HERC2: variants seen among roughly 807,000 people sequenced by gnomAD.
HERC2 encodes the protein HECT and RLD domain containing E3 ubiquitin protein ligase 2, also known as E3 ubiquitin-protein ligase HERC2.
In HERC2, 102 loss-of-function variants were observed where a neutral mutation model predicts 537.7. The observed-to-expected ratio is 0.19, with a 90% confidence interval of 0.16 to 0.22. The LOEUF (loss-of-function observed/expected upper bound fraction) is 0.22, where lower values mean the gene tolerates loss of function less well. Ranked by LOEUF, HERC2 falls within the 10% of genes least tolerant of loss-of-function variation. The pLI, the probability that HERC2 is intolerant of heterozygous loss-of-function variation, is 1.00. For missense variants in HERC2, 4,236 were observed against 6,198.2 expected, an observed-to-expected ratio of 0.68 and a Z score of 10.63; for synonymous variants, 2,224 against 2,466.2, an observed-to-expected ratio of 0.90 and a Z score of 2.91.
Position 28,179,217 on chromosome 15 carries a change from C to A in HERC2, c.8944G>T (p.Val2982Phe), listed in dbSNP as rs137879939. The A allele has an allele frequency of 1.3e-4, 200 of 1,599,604 alleles. No homozygotes were observed. The highest frequency in any genetic ancestry group is 2.7e-4 in the African/African-American group (20 of 73,752). Residue 2982 changes from valine to phenylalanine, a missense_variant, in exon 58 of 93, where the codon GTT becomes TTT. Around this residue, in one of 27 missense-constraint regions of HERC2, gnomAD observed 606 missense variants for 884.5 expected, o/e 0.69. Coordinates refer to ENST00000261609, the MANE Select transcript of HERC2 (RefSeq NM_004667.6). Reference protein sequence around the residue: ...LGGLKGSKIKVPSFSETLSAL... With the variant: ...LGGLKGSKIKFPSFSETLSAL... Reference sequence around the variant, plus strand: ...GACAGTGTCTCAGAGAACGAAGGAACCTTTATCTACAACAGAATTTTTTTA... The same window carrying A: ...GACAGTGTCTCAGAGAACGAAGGAAACTTTATCTACAACAGAATTTTTTTA...
chr15:28,254,264 C>T, intron 20 of HERC2, 76 bp downstream of exon 20: 4 of 1,076,648 alleles, frequency 3.7e-6, no homozygotes, highest in East Asian at 2.6e-5. Flanking sequence ...GCCTGGGCAA[C>T]AAGAGCGAAC....
At chr15:28,286,655 G>A (rs2076165481) in intron 4 of HERC2, among the ~76,000 whole-genome samples, 4 of 152,058 alleles carry the variant, frequency 2.6e-5, no homozygotes, top group Admixed American at 2.6e-4. Flanking sequence ...TAAAACCTAT[G>A]CCAAAAACAA....
rs1887625236 is a variant in HERC2 at position 28,111,348 on chromosome 15, T to C, written c.*415A>G. On this transcript the variant is annotated 3_prime_UTR_variant, in exon 93 of 93. Coordinates refer to ENST00000261609, the MANE Select transcript of HERC2 (RefSeq NM_004667.6). Reference sequence around the variant, plus strand: ...TAATTGAAATATTTATAATACGATTTGTTACACAGTTATTTCCAATATACA... The same window carrying C: ...TAATTGAAATATTTATAATACGATTCGTTACACAGTTATTTCCAATATACA... The C allele has an allele frequency of 5.7e-6, 1 of 176,058 alleles. No individual in the cohort carries two copies. Among genetic ancestry groups the C allele is most frequent in the Non-Finnish European group, 1.2e-5 (1 of 84,432 alleles). 10.9% of individuals were successfully genotyped at this position (176,058 alleles called of 1,614,324 possible). A position where few individuals can be genotyped will look rare whatever the true frequency, so the allele number is the denominator to read the frequency against.
chr15:28,194,431 G>A (rs1257453156), intron 52 of HERC2, among the ~76,000 whole-genome samples: 11 of 151,214 alleles, frequency 7.3e-5, no homozygotes, highest in South Asian at 2.1e-4. Context: ...TTAGCCGGGC[G>A]TGGTGGCGGG....
chr15:28,215,695 G>A lies in HERC2; in HGVS notation c.6136C>T (p.Pro2046Ser), dbSNP rs1205062651. The part of the protein sequence containing the change: ...TPQVCGALSS[P>S]QWITLLMKVV... ...TTCATGAGCAGCGTGATCCACTGCG[G>A]GGAGCTGAGGGCGCCGCATACCTGC... Residue 2046 changes from proline to serine, a missense_variant, in exon 39 of 93, where the codon CCG becomes TCG. Transcript: ENST00000261609. 6.2e-7 allele frequency: 1 copy of A among 1,611,914 alleles called. No individual in the cohort carries two copies. Among genetic ancestry groups the A allele is most frequent in the African/African-American group, 1.3e-5 (1 of 74,874 alleles).
At chr15:28,315,461 C>T (rs1181065138) in intron 2 of HERC2, among the ~76,000 whole-genome samples, 1 of 152,214 alleles carries the variant, frequency 6.6e-6, no homozygotes, top group Non-Finnish European at 1.5e-5. Context: ...TTTATAAACA[C>T]ACTTTTAAAA....
At position 28,236,833 on chromosome 15, in the gene HERC2, G is replaced by A. The variant is rs2346087; in HGVS notation, c.4003+130C>T. The stretch of plus-strand genomic sequence containing the variant: ...AAACTCTTGACCTCAAGCAATCCAC[G>A]TGCCACAACCTCCCAAACTGCTGGG... On this transcript the variant is annotated intron_variant, in intron 26 of 92. Coordinates refer to ENST00000261609, the MANE Select transcript of HERC2 (RefSeq NM_004667.6). The A allele has an allele frequency of 1.1e-4, 71 of 640,978 alleles. 1 individual carries two copies. The highest frequency in any genetic ancestry group is 5.9e-4 in the East Asian group (20 of 34,108). 39.7% of individuals were successfully genotyped at this position (640,978 alleles called of 1,614,324 possible).
chr15:28,314,755 G>A (rs112682346), intron 2 of HERC2, among the ~76,000 whole-genome samples: 2,933 of 149,980 alleles, frequency 0.02, 55 homozygotes, highest in Non-Finnish European at 0.026. Flanking sequence ...CAGCTACTCC[G>A]GAGTCTGAGG....
In HERC2 at chr15:28,132,237, C is replaced by T. The variant is rs773053460; in HGVS notation, c.12433G>A (p.Val4145Met). The T allele has an allele frequency of 6.2e-7, 1 of 1,612,778 alleles. No individual in the cohort carries two copies. Among genetic ancestry groups the T allele is most frequent in the Non-Finnish European group, 8.5e-7 (1 of 1,179,040 alleles). Reference sequence around the variant, plus strand: ...CCACTGCCACAGGCGATGTCAACCACACGGTGGCCCTGCAGCGCCTCCACC... The same window carrying T: ...CCACTGCCACAGGCGATGTCAACCATACGGTGGCCCTGCAGCGCCTCCACC... Reference protein sequence around the residue: ...KLVEALQGHRVVDIACGSGDA... With the variant: ...KLVEALQGHRMVDIACGSGDA... Residue 4145 changes from valine to methionine, a missense_variant, in exon 81 of 93, where the codon GTG (valine) becomes ATG (methionine). This residue lies in a region of HERC2 where 94 missense variants were observed against 137.4 expected (regional missense o/e 0.68). Coordinates refer to ENST00000261609, the MANE Select transcript of HERC2 (RefSeq NM_004667.6).
intron 55 of HERC2, 125 bp from the exon 56 acceptor site, chr15:28,186,877 G>T: frequency 1.8e-6 from 1 of 569,314 alleles, no homozygotes; most frequent in South Asian, 3.3e-5. Context: ...CTTCAGTTCT[G>T]GAAATATCAA....
chr15:28,262,652 G>A (rs2075446022), intron 15 of HERC2, among the ~76,000 whole-genome samples: 1 of 134,858 alleles, frequency 7.4e-6, no homozygotes, highest in South Asian at 2.4e-4. Flanking sequence ...TGATTAATGG[G>A]TGCCTGCCAC....
Position 28,214,237 on chromosome 15 carries a change from C to A in HERC2, c.6394G>T (p.Ala2132Ser). The A allele has an allele frequency of 6.2e-7, 1 of 1,611,914 alleles. No individual in the cohort carries two copies. Among genetic ancestry groups the A allele is most frequent in the Non-Finnish European group, 8.5e-7 (1 of 1,179,834 alleles). The stretch of plus-strand genomic sequence containing the variant: ...CTGCTGTGGGTGGCAGTCAGCGAGG[C>A]CTGCGGGCGCACCCTGCGCCGCCTC... ...TLRRRRVRPQ[A>S]SLTATHSSTL... Residue 2132 changes from alanine (A) to serine (S), a missense_variant, in exon 41 of 93, where the codon GCC becomes TCC. Physicochemically the swap from Ala to Ser is moderately conservative, Grantham distance 99. Around this residue, in one of 27 missense-constraint regions of HERC2, gnomAD observed 365 missense variants for 468.8 expected, o/e 0.78. Transcript: ENST00000261609.
chr15:28,133,905 A>C (rs1890353492), intron 79 of HERC2, among the ~76,000 whole-genome samples: 2 of 152,210 alleles, frequency 1.3e-5, no homozygotes, highest in African/African-American at 4.8e-5. Flanking sequence ...AATGAGGCTT[A>C]AGTCAGGTAG....
In HERC2 at chr15:28,124,054, G is replaced by T. The variant is rs1889209715; in HGVS notation, c.13171C>A (p.Leu4391Met). The T allele has an allele frequency of 4.4e-6, 7 of 1,591,284 alleles. No individual in the cohort carries two copies. In the South Asian group the frequency reaches 5.7e-5, roughly 13 times the overall value. Residue 4391 changes from leucine to methionine, a missense_variant, in exon 85 of 93, where the codon CTG (leucine) becomes ATG (methionine). Transcript: ENST00000261609. ...SVGFDTLRGI[L>M]ISQGKEAAFR... ...TTGAATACCTTTCCCTGGGATATCA[G>T]AATTCCTCGGAGAGTGTCGAACCCA...
chr15:28,176,759 G>A lies in HERC2; in HGVS notation c.9442C>T (p.Leu3148Phe). The change falls in exon 62 of 93, where the codon CTT (leucine) becomes TTT (phenylalanine). Residue 3148 changes from leucine (L) to phenylalanine (F), a missense_variant. This residue lies in a region of HERC2 where 606 missense variants were observed against 884.5 expected (regional missense o/e 0.69). Coordinates refer to ENST00000261609, the MANE Select transcript of HERC2 (RefSeq NM_004667.6). This position sits in a 1 kb window ranked among gnomAD's most constrained non-coding sequence, Gnocchi z 5.0. ...TQLKPKMVKV[L>F]LGHRVIQVAC... ...ACCTGGATTACTCTGTGACCGAGAA[G>A]GACTTTCACCTACTCAATTACAAAT... is the stretch of plus-strand genomic sequence containing the variant. 1 of 1,613,804 alleles carries A rather than the reference G, an allele frequency of 6.2e-7. No homozygotes were observed. The highest frequency in any genetic ancestry group is 8.5e-7 in the Non-Finnish European group (1 of 1,179,916).
rs139657402 is a variant in HERC2 at position 28,275,000 on chromosome 15, C to T, written c.548G>A (p.Arg183Gln). 61 of 1,604,346 alleles carry T rather than the reference C, an allele frequency of 3.8e-5. No homozygotes were observed. In the African/African-American group the frequency reaches 6.5e-4, roughly 17 times the overall value. Residue 183 changes from arginine to glutamine, a missense_variant, in exon 6 of 93, where the codon CGG (arginine) becomes CAG (glutamine). By Grantham distance (43) the Arg-to-Gln change is conservative (BLOSUM62 1). Transcript: ENST00000261609. ...SLPPVDKKSS[R>Q]PAGKGVEGLA... ...CCCCTCCACACCTTTGCCCGCAGGC[C>T]GGGAACTGCAGACGACACACACGGA...
chr15:28,157,716 AG>A lies in HERC2; in HGVS notation c.10747-4887del, dbSNP rs1305657524. Among the ~76,000 whole-genome samples, 141 of 152,264 alleles carry A rather than the reference AG, an allele frequency of 9.3e-4. 3 individuals are homozygous for A. Among genetic ancestry groups the A allele is most frequent in the African/African-American group, 3.1e-3 (129 of 41,554 alleles). On this transcript the variant is annotated intron_variant, in intron 69 of 92. Coordinates refer to ENST00000261609, the MANE Select transcript of HERC2 (RefSeq NM_004667.6). ...GCTCCTGGCTTCATTGATTTTTTGAAGGGTTTTTTGTGTCTCTATCTCCTTT... is the reference window on the plus strand; with the variant it reads ...GCTCCTGGCTTCATTGATTTTTTGAAGGTTTTTTGTGTCTCTATCTCCTTT...
chr15:28,266,673 C>T (rs931589414), intron 12 of HERC2, among the ~76,000 whole-genome samples: 1 of 152,148 alleles, frequency 6.6e-6, no homozygotes, highest in African/African-American at 2.4e-5. Context: ...AAACAAAATA[C>T]CATACACTGT....
chr15:28,143,947 G>A lies in HERC2; in HGVS notation c.11344C>T (p.Leu3782Phe). The A allele has an allele frequency of 6.2e-7, 1 of 1,614,124 alleles. No individual in the cohort carries two copies. The highest frequency in any genetic ancestry group is 8.5e-7 in the Non-Finnish European group (1 of 1,180,014). Residue 3782 changes from leucine to phenylalanine, a missense_variant, in exon 74 of 93, where the codon CTT (leucine) becomes TTT (phenylalanine). Around this residue, in one of 27 missense-constraint regions of HERC2, gnomAD observed 109 missense variants for 133.5 expected, o/e 0.82. Transcript: ENST00000261609. ...ATTGACTGCCCAAATTCAGTTGTAA[G>A]CAGCTTCCTCAGTCTCTGAAGGGCC... ...MWALQRLRKL[L>F]TTEFGQSINI...
Sources: gnomAD v4.1 joint callset for allele counts (sites outside exome capture counted in the v4.1 genomes callset) on GRCh38, gnomAD v4.1.1 for gene constraint, gnomAD v4.1.1 regional missense constraint, Gnocchi (gnomAD v3.1) non-coding constraint, MANE v1.5 for transcripts, NCBI Gene and HGNC (gene_info 2026-07-23, HGNC 2026-07-21) for gene names.